The following CALB1 variants were observed in gnomAD, a reference collection of about 807,000 sequenced individuals.
CALB1 encodes calbindin 1, also known as calbindin.
In CALB1, 16 loss-of-function variants were observed where a neutral mutation model predicts 46.7. The ratio of observed to expected loss-of-function variants is 0.34; its 90% CI spans 0.23 to 0.52. The LOEUF is 0.52. Among genes scored for constraint, CALB1 ranks in the 20% least tolerant of loss-of-function variants. CALB1 has a pLI of 0.95. For synonymous variants in CALB1, 90 were observed against 112.8 expected (o/e 0.80, Z 1.28); for missense variants, 224 against 300.3 (o/e 0.75, Z 1.88).
intron 6 of CALB1, chr8:90,063,749 C>G: frequency 3.4e-6 from 1 of 296,004 alleles, no homozygotes; most frequent in Non-Finnish European, 6.2e-6. Flanking sequence ...ATATGTGTAT[C>G]AAGATGTGGG....
intron 3 of CALB1, among the ~76,000 whole-genome samples, chr8:90,075,249 A>T (rs1814604446): frequency 6.6e-6 from 1 of 152,178 alleles, no homozygotes; most frequent in South Asian, 2.1e-4. Flanking sequence ...ACATTTTCTA[A>T]TCTTTTTGAA....
chr8:90,075,119 A>T (rs1392605021), intron 3 of CALB1, among the ~76,000 whole-genome samples: 1 of 152,200 alleles, frequency 6.6e-6, no homozygotes. Flanking sequence ...TTTTAAATCT[A>T]TTTAAAGGCA....
At chr8:90,070,250 T>A (rs1463188473) in intron 3 of CALB1, among the ~76,000 whole-genome samples, 1 of 151,408 alleles carries the variant, frequency 6.6e-6, no homozygotes, top group African/African-American at 2.4e-5. Flanking sequence ...ATTTTCACCA[T>A]TAAATAATGA....
Position 90,082,648 on chromosome 8 carries a change from A to C in CALB1, c.50T>G (p.Phe17Cys). The change falls in exon 1 of 11, where the codon TTC becomes TGC. Residue 17 changes from phenylalanine (F) to cysteine (C), a missense_variant. By Grantham distance (205) the Phe-to-Cys change is radical. Coordinates refer to ENST00000265431, the MANE Select transcript of CALB1 (RefSeq NM_004929.4). ...AGCGTCGAAATGGAGCCAGATCTCG[A>C]AAAACTGTGAGGCTGTGATGAGGGA... ...QSSLITASQFFEIWLHFDADG... is the reference protein window; with the variant it reads ...QSSLITASQFCEIWLHFDADG... The C allele has an allele frequency of 6.2e-7, 1 of 1,614,134 alleles. No homozygotes were observed. Among genetic ancestry groups the C allele is most frequent in the Non-Finnish European group, 8.5e-7 (1 of 1,179,980 alleles).
intron 3 of CALB1, among the ~76,000 whole-genome samples, chr8:90,071,177 A>G (rs1220641318): frequency 1.3e-5 from 2 of 152,152 alleles, no homozygotes; most frequent in Admixed American, 6.6e-5. Flanking sequence ...CTTGGACTGC[A>G]AATAATGAAT....
Position 90,082,149 on chromosome 8 carries a change from T to C in CALB1, c.80-47A>G, listed in dbSNP as rs572011701. On this transcript the variant is annotated intron_variant, in intron 1 of 10. Transcript: ENST00000265431. ...CAGGTGTCAGATATCTCATTCCAAG[T>C]GTCTTTCCCGTTCACTTTCCAAGAC... 7.3e-6 allele frequency: 11 copies of C among 1,500,810 alleles called. No individual in the cohort carries two copies. The East Asian group carries it at 2.5e-4, about 34-fold the overall frequency. 93.0% of individuals were successfully genotyped at this position (1,500,810 alleles called of 1,614,324 possible).
At chr8:90,060,522 C>T in intron 10 of CALB1, 107 bp downstream of exon 10, 1 of 888,064 alleles carries the variant, frequency 1.1e-6, no homozygotes, top group Non-Finnish European at 1.8e-6. Context: ...TCTATTTCTG[C>T]TCCTCTATAA....
chr8:90,072,194 G>A (rs1814537519), intron 3 of CALB1, among the ~76,000 whole-genome samples: 1 of 152,066 alleles, frequency 6.6e-6, no homozygotes, highest in Non-Finnish European at 1.5e-5. Context: ...ACAAATGAAT[G>A]AACTAGTAAG....
At chr8:90,082,598 T>C (rs775478695) in intron 1 of CALB1, 21 bp downstream of exon 1, 5 of 1,605,772 alleles carry the variant, frequency 3.1e-6, no homozygotes, top group Non-Finnish European at 4.3e-6. Context: ...CTTGAAACAG[T>C]TAAAAAGAGA....
chr8:90,068,574 C>T (rs146621487), intron 5 of CALB1, among the ~76,000 whole-genome samples: 68 of 152,220 alleles, frequency 4.5e-4, no homozygotes, highest in African/African-American at 1.6e-3. Context: ...ATACAACTTA[C>T]GCAAAGATTA....
chr8:90,073,903 G>C (rs1001688140), intron 3 of CALB1, among the ~76,000 whole-genome samples: 1 of 152,148 alleles, frequency 6.6e-6, no homozygotes, highest in African/African-American at 2.4e-5. Flanking sequence ...TACATGAAAG[G>C]CAACTTCATT....
intron 6 of CALB1, 59 bp downstream of exon 6, chr8:90,065,839 C>G: frequency 9.1e-7 from 1 of 1,099,172 alleles, no homozygotes; most frequent in East Asian, 2.4e-5. Flanking sequence ...TGGGAGTTAG[C>G]AAGAACATCA....
chr8:90,060,395 CAA>C (rs1322183922), intron 10 of CALB1, 109 bp from the exon 11 acceptor site: 1 of 763,060 alleles, frequency 1.3e-6, no homozygotes, highest in Non-Finnish European at 2.3e-6. Context: ...AATCCATTAA[CAA>C]AAGAGCTGGA....
intron 6 of CALB1, among the ~76,000 whole-genome samples, chr8:90,064,727 T>G (rs1425352113): frequency 1.3e-5 from 2 of 151,876 alleles, no homozygotes; most frequent in Admixed American, 1.3e-4. Context: ...TCTCCCCCAT[T>G]TGTTTGCTAG....
chr8:90,082,575 C>T, intron 1 of CALB1, 44 bp downstream of exon 1: 1 of 1,467,306 alleles, frequency 6.8e-7, no homozygotes, highest in East Asian at 2.3e-5. Context: ...TGGGAAGGGG[C>T]ATGGAAACGG....
At chr8:90,074,487 T>C (rs1814586679) in intron 3 of CALB1, among the ~76,000 whole-genome samples, 1 of 152,122 alleles carries the variant, frequency 6.6e-6, no homozygotes, top group African/African-American at 2.4e-5. Flanking sequence ...TCACCCTCCA[T>C]TAAAATCCTC....
At chr8:90,063,666 A>G (rs1814341981) in intron 6 of CALB1, 1 of 515,380 alleles carries the variant, frequency 1.9e-6, no homozygotes, top group Non-Finnish European at 3.5e-6. Flanking sequence ...ATAATATAGA[A>G]TAGTCAAACA....
intron 7 of CALB1, 39 bp downstream of exon 7, chr8:90,063,367 G>C: frequency 6.3e-7 from 1 of 1,585,378 alleles, no homozygotes; most frequent in Non-Finnish European, 8.6e-7. Flanking sequence ...TTTTTGAAAA[G>C]GATCCACTTA....
intron 5 of CALB1, among the ~76,000 whole-genome samples, chr8:90,067,759 G>C (rs1168873052): frequency 6.6e-6 from 1 of 152,154 alleles, no homozygotes; most frequent in Non-Finnish European, 1.5e-5. Flanking sequence ...GTAGTGCTGT[G>C]GGGGTGGGGT....
Sources: allele counts gnomAD v4.1 joint callset (sites outside exome capture counted in the v4.1 genomes callset), GRCh38; gene constraint gnomAD v4.1.1; transcripts MANE v1.5; gene names NCBI Gene and HGNC (gene_info 2026-07-23, HGNC 2026-07-21).